Variants in SLC39A10 observed in about 807,000 individuals in gnomAD.
The protein encoded by SLC39A10 is solute carrier family 39 member 10.
Under a neutral mutation model 65.1 loss-of-function variants are expected in SLC39A10, and 13 were observed. The observed-to-expected ratio is 0.20, with a 90% CI of 0.13 to 0.32. The LOEUF (loss-of-function observed/expected upper bound fraction) is 0.32. SLC39A10 is among the 10% of genes least tolerant of loss of function. The pLI is 1.00. For missense variants in SLC39A10, 831 were observed against 1,018.4 expected, an observed-to-expected ratio of 0.82 and a Z score of 2.50; for synonymous variants, 321 against 342.2, an observed-to-expected ratio of 0.94 and a Z score of 0.68.
chr2:195,683,839 T>C lies in SLC39A10; in HGVS notation c.1149T>C (p.Leu383=). Residue 383 remains leucine (L), a synonymous_variant, in exon 3 of 10, where the codon CTT becomes CTC. Coordinates refer to ENST00000359634, the MANE Select transcript of SLC39A10 (RefSeq NM_020342.3). Reference sequence around the variant, plus strand: ...TTTGTATTGAGCATTTTGACAAACTTTTAGTTGAAGATATAAATAAGGATA... The same window carrying C: ...TTTGTATTGAGCATTTTGACAAACTCTTAGTTGAAGATATAAATAAGGATA... ...SRLCIEHFDK[L]LVEDINKDKN... The C allele has an allele frequency of 6.2e-7, 1 of 1,613,324 alleles. No individual in the cohort carries two copies. Among genetic ancestry groups the C allele is most frequent in the Admixed American group, 1.7e-5 (1 of 60,004 alleles).
chr2:195,671,641 C>G (rs1450166847), intron 1 of SLC39A10: 1 of 152,170 alleles, frequency 6.6e-6, no homozygotes, highest in Non-Finnish European at 1.5e-5. Flanking sequence ...TTCCCCCATT[C>G]CTGTCTCCAT....
At chr2:195,665,323 GAATA>G (rs941520872) in intron 1 of SLC39A10, among the ~76,000 whole-genome samples, 3 of 152,060 alleles carry the variant, frequency 2.0e-5, no homozygotes, top group Non-Finnish European at 4.4e-5. Flanking sequence ...TCAAAAAAAT[GAATA>G]AATAAAATTA....
intron 2 of SLC39A10, among the ~76,000 whole-genome samples, chr2:195,620,096 G>T (rs1688320819): frequency 6.6e-6 from 1 of 152,022 alleles, no homozygotes; most frequent in African/African-American, 2.4e-5. Context: ...CTAATTTTTT[G>T]TATTTTTGGT....
intron 2 of SLC39A10, among the ~76,000 whole-genome samples, chr2:195,640,071 T>C (rs1164413203): frequency 6.6e-6 from 1 of 152,234 alleles, no homozygotes; most frequent in African/African-American, 2.4e-5. Flanking sequence ...GGGAGCTGTT[T>C]CAATTGGCTC....
intron 1 of SLC39A10, among the ~76,000 whole-genome samples, chr2:195,658,818 A>G (rs1452067499): frequency 6.6e-6 from 1 of 151,820 alleles, no homozygotes; most frequent in Non-Finnish European, 1.5e-5. Context: ...AACATATAAT[A>G]TCAGTGATAA....
intron 2 of SLC39A10, among the ~76,000 whole-genome samples, chr2:195,646,790 A>G (rs907389427): frequency 1.6e-4 from 24 of 152,298 alleles, no homozygotes; most frequent in East Asian, 3.9e-4. Context: ...CACGAACCCT[A>G]TGGTGAACCG....
intron 2 of SLC39A10, among the ~76,000 whole-genome samples, chr2:195,624,753 C>A (rs566680336): frequency 1.5e-3 from 228 of 151,790 alleles, no homozygotes; most frequent in African/African-American, 5.0e-3. Context: ...ATGGCGGGCG[C>A]CTGTAATCCC....
At chr2:195,691,659 A>G (rs746795949) in intron 3 of SLC39A10, among the ~76,000 whole-genome samples, 5 of 152,080 alleles carry the variant, frequency 3.3e-5, no homozygotes, top group African/African-American at 4.8e-5. Flanking sequence ...CCATTTGTGT[A>G]TCTTCTTTTG....
In SLC39A10 at chr2:195,614,105, A is replaced by G. The variant is rs141564060; in HGVS notation, c.-12+7872A>G. On this transcript the variant is annotated intron_variant, in intron 2 of 2. Coordinates refer to the SLC39A10 transcript ENST00000458054. ...TTTATCTTGTGAGATCATTCATTCT[A>G]TGAGCAATGACATCAATTTTCCAGA... Among the ~76,000 whole-genome samples the G allele has an allele frequency of 2.3e-3, 348 of 152,272 alleles. 1 individual carries two copies. The highest frequency in any genetic ancestry group is 7.4e-3 in the African/African-American group (309 of 41,564).
At chr2:195,661,636 A>C (rs908270669) in intron 1 of SLC39A10, among the ~76,000 whole-genome samples, 3 of 152,254 alleles carry the variant, frequency 2.0e-5, no homozygotes, top group Non-Finnish European at 2.9e-5. Flanking sequence ...TCACATCAGT[A>C]ATTCTGTGTC....
intron 3 of SLC39A10, among the ~76,000 whole-genome samples, chr2:195,689,949 G>A (rs1690665913): frequency 6.6e-6 from 1 of 152,032 alleles, no homozygotes; most frequent in South Asian, 2.1e-4. Flanking sequence ...GGCTGAGGTG[G>A]GCAGATCACC....
intron 3 of SLC39A10, among the ~76,000 whole-genome samples, chr2:195,691,216 T>C (rs1462281574): frequency 6.6e-6 from 1 of 151,874 alleles, no homozygotes; most frequent in East Asian, 1.9e-4. Context: ...TATTCCATGG[T>C]ATATATGTGT....
intron 3 of SLC39A10, among the ~76,000 whole-genome samples, chr2:195,685,951 G>T (rs1185181630): frequency 6.6e-6 from 1 of 152,052 alleles, no homozygotes; most frequent in Non-Finnish European, 1.5e-5. Flanking sequence ...CAGTCAGCCT[G>T]GTATACTTCG....
At position 195,680,101 on chromosome 2, in the gene SLC39A10, A is replaced by T. The variant is rs766469393; in HGVS notation, c.59A>T (p.His20Leu). 3.1e-6 allele frequency: 5 copies of T among 1,608,354 alleles called. No individual in the cohort carries two copies. The African/African-American group carries it at 6.7e-5, about 22-fold the overall frequency. ...ATTTGTTTGCTGACATTTATTTTTC[A>T]TCATTGCAACCATTGCCATGAAGAA... ...CLICLLTFIF[H>L]HCNHCHEEHD... is the part of the protein sequence containing the mutation. Residue 20 changes from histidine to leucine, a missense_variant, in exon 2 of 10, where the codon CAT becomes CTT. Around this residue, in one of 4 missense-constraint regions of SLC39A10, gnomAD observed 446 missense variants for 499.2 expected, o/e 0.89. Transcript: ENST00000359634.
chr2:195,698,420 G>T (rs1225472655), intron 3 of SLC39A10, among the ~76,000 whole-genome samples: 1 of 152,006 alleles, frequency 6.6e-6, no homozygotes, highest in East Asian at 1.9e-4. Context: ...GAAAGGCTTT[G>T]TCTTTCACCA....
At chr2:195,628,222 C>A (rs1574201174) in intron 2 of SLC39A10, among the ~76,000 whole-genome samples, 1 of 152,284 alleles carries the variant, frequency 6.6e-6, no homozygotes, top group East Asian at 1.9e-4. Context: ...GTACTTTGAA[C>A]ATATGAAATT....
At chr2:195,614,963 A>C (rs2105679712) in intron 2 of SLC39A10, among the ~76,000 whole-genome samples, 1 of 152,230 alleles carries the variant, frequency 6.6e-6, no homozygotes, top group East Asian at 1.9e-4. Context: ...AGGTGGAAGG[A>C]TCACCTGAGC....
rs1011569826 is a variant in SLC39A10, at chr2:195,736,498, A to C, written c.*1457A>C. 2 of 160,842 alleles carry C rather than the reference A, an allele frequency of 1.2e-5. No individual in the cohort carries two copies. Among genetic ancestry groups the C allele is most frequent in the African/African-American group, 4.8e-5 (2 of 41,378 alleles). 10.0% of individuals were successfully genotyped at this position (160,842 alleles called of 1,614,324 possible). Reference sequence around the variant, plus strand: ...ATCTATCTTATTGTTCAAATATATAAGAGCCAAACTCTTTTCCATTCCATC... The same window carrying C: ...ATCTATCTTATTGTTCAAATATATACGAGCCAAACTCTTTTCCATTCCATC... On this transcript the variant is annotated 3_prime_UTR_variant, in exon 10 of 10. Coordinates refer to ENST00000359634, the MANE Select transcript of SLC39A10 (RefSeq NM_020342.3).
In SLC39A10 at chr2:195,624,750, G is replaced by A. The variant is rs187105368; in HGVS notation, c.-12+18517G>A. 4.6e-3 allele frequency among the ~76,000 whole-genome samples: 699 copies of A among 151,720 alleles called. 10 individuals are homozygous for A. Among genetic ancestry groups the A allele is most frequent in the African/African-American group, 0.016 (663 of 41,396 alleles). ...ATTAGCCGGATGTGGTCGATGGCGG[G>A]CGCCTGTAATCCCAGCTACTCAGGA... On this transcript the variant is annotated intron_variant, in intron 2 of 2. Transcript: ENST00000458054.
Sources: gnomAD v4.1 joint callset for allele counts (sites outside exome capture counted in the v4.1 genomes callset) on GRCh38, gnomAD v4.1.1 for gene constraint, gnomAD v4.1.1 regional missense constraint, MANE v1.5 for transcripts, NCBI Gene and HGNC (gene_info 2026-07-23, HGNC 2026-07-21) for gene names.